The following ITGAD variants were observed in gnomAD, a reference collection of about 807,000 sequenced individuals.
ITGAD encodes the protein integrin alpha-D.
Under a neutral mutation model 139.0 loss-of-function variants are expected in ITGAD, and 105 were observed. That is an observed-to-expected ratio of 0.76 (90% CI 0.65 to 0.89). The LOEUF (loss-of-function observed/expected upper bound fraction) is 0.89, where lower values mean the gene tolerates loss of function less well. Ranked by LOEUF, ITGAD falls within the 40% of genes least tolerant of loss-of-function variation. ITGAD has a pLI of 0.00. For missense variants in ITGAD, 1,384 were observed against 1,487.3 expected (o/e 0.93, Z 1.14); for synonymous variants, 569 against 598.3 (o/e 0.95, Z 0.71).
chr16:31,415,218 G>A (rs1315965274), intron 18 of ITGAD, among the ~76,000 whole-genome samples: 1 of 151,682 alleles, frequency 6.6e-6, no homozygotes, highest in African/African-American at 2.4e-5. Flanking sequence ...CCAGCCCCTC[G>A]ATTCTCTCCC....
At chr16:31,393,464 G>A (rs568697272) in intron 1 of ITGAD, 73 bp downstream of exon 1, 29 of 1,550,304 alleles carry the variant, frequency 1.9e-5, no homozygotes, top group Admixed American at 5.0e-5. Flanking sequence ...GGGCAGGCTG[G>A]GGGCTGGTGG....
chr16:31,398,441 A>C (rs1022049842), intron 5 of ITGAD, among the ~76,000 whole-genome samples: 25 of 151,672 alleles, frequency 1.6e-4, no homozygotes, highest in African/African-American at 3.4e-4. Context: ...AAAAAAAAAA[A>C]AACAAAAAAC....
chr16:31,420,471 C>T (rs2081986836), intron 23 of ITGAD, among the ~76,000 whole-genome samples: 1 of 152,100 alleles, frequency 6.6e-6, no homozygotes. Context: ...AATCTGGGCT[C>T]ACTGCAACCT....
At position 31,424,227 on chromosome 16, in the gene ITGAD, G is replaced by A. The variant is rs762607453; in HGVS notation, c.3261+24G>A. The A allele has an allele frequency of 6.2e-6, 10 of 1,613,386 alleles. No individual in the cohort carries two copies. The Admixed American group carries it at 1.2e-4, about 19-fold the overall frequency. ...AGGTAGAGACCATGTGGAGGGCAGCGACCAGCTGGAAAGAGGACCCCTAGG... is the reference window on the plus strand; with the variant it reads ...AGGTAGAGACCATGTGGAGGGCAGCAACCAGCTGGAAAGAGGACCCCTAGG... On this transcript the variant is annotated intron_variant, in intron 28 of 29. Coordinates refer to ENST00000389202, the MANE Select transcript of ITGAD (RefSeq NM_005353.3).
In ITGAD at chr16:31,403,557, C is replaced by T. The variant is rs145982469; in HGVS notation, c.616C>T (p.Arg206Trp). 1.3e-4 allele frequency: 213 copies of T among 1,614,174 alleles called. No homozygotes were observed. The African/African-American group carries it at 2.5e-3, about 19-fold the overall frequency. ...GATCCACTTCACCTTCACCCAATTC[C>T]GGACCAGCCCGAGCCAGCAGAGCCT... ...LKIHFTFTQF[R>W]TSPSQQSLVD... Residue 206 changes from arginine (R) to tryptophan (W), a missense_variant, in exon 7 of 30, where the codon CGG (arginine) becomes TGG (tryptophan). Transcript: ENST00000389202. The surrounding 1 kb of genome is among the most constrained non-coding windows in gnomAD (Gnocchi z 4.4).
rs1387717577 is a variant in ITGAD at position 31,397,234 on chromosome 16, C to A, written c.138-125C>A. The A allele has an allele frequency of 7.5e-6, 5 of 665,658 alleles. No homozygotes were observed. In the Admixed American group the frequency reaches 7.6e-5, roughly 10 times the overall value. The allele number at this position is 665,658 out of a possible 1,614,324, so 41.2% of individuals were successfully genotyped here. The stretch of plus-strand genomic sequence containing the variant: ...GATTTCTGAATATTCTGCCAAGTGG[C>A]AAATGCCAGGAATTTCCCCCACAGA... On this transcript the variant is annotated intron_variant, in intron 2 of 29. Coordinates refer to ENST00000389202, the MANE Select transcript of ITGAD (RefSeq NM_005353.3).
intron 9 of ITGAD, 33 bp from the exon 10 acceptor site, chr16:31,408,392 T>C (rs1167600533): frequency 2.5e-6 from 4 of 1,596,140 alleles, no homozygotes; most frequent in Non-Finnish European, 3.4e-6. Context: ...GTCTCATGGC[T>C]TCTAGGAACT....
At chr16:31,424,990 C>A (rs911730567) in intron 29 of ITGAD, among the ~76,000 whole-genome samples, 31 of 152,270 alleles carry the variant, frequency 2.0e-4, no homozygotes, top group Non-Finnish European at 4.6e-4. Context: ...GGCAGACAGG[C>A]CTGGACACAC....
chr16:31,423,470 A>G lies in ITGAD; in HGVS notation c.2967+11A>G. The G allele has an allele frequency of 6.2e-7, 1 of 1,610,990 alleles. No homozygotes were observed. The highest frequency in any genetic ancestry group is 8.5e-7 in the Non-Finnish European group (1 of 1,177,226). On this transcript the variant is annotated intron_variant, in intron 25 of 29. Coordinates refer to ENST00000389202, the MANE Select transcript of ITGAD (RefSeq NM_005353.3). ...GAGGCCCCATCTCAGGTACCCGCCT[A>G]TCTCTCCTCTTTCTTCAGACTGACA...
chr16:31,425,986 C>A, intron 29 of ITGAD, 29 bp from the exon 30 acceptor site: 1 of 1,531,592 alleles, frequency 6.5e-7, no homozygotes, highest in African/African-American at 1.4e-5. Flanking sequence ...CGGACTTACC[C>A]AGCTTTTCTA....
At chr16:31,423,681 T>A (rs750042824) in intron 26 of ITGAD, 33 bp downstream of exon 26, 1 of 1,593,516 alleles carries the variant, frequency 6.3e-7, no homozygotes. Context: ...ACCGCCAAGA[T>A]CAGCCCCCAC....
In ITGAD at chr16:31,403,656, C is replaced by A; in HGVS notation, c.704+11C>A. On this transcript the variant is annotated intron_variant, in intron 7 of 29. Transcript: ENST00000389202. The surrounding 1 kb of genome is among the most constrained non-coding windows in gnomAD (Gnocchi z 4.4). Reference sequence around the variant, plus strand: ...CATCCTGACAGTGGTGTAAGCAACCCCGACCCCAGCCTGGCGATGTGACTG... The same window carrying A: ...CATCCTGACAGTGGTGTAAGCAACCACGACCCCAGCCTGGCGATGTGACTG... 8 of 1,614,016 alleles carry A rather than the reference C, an allele frequency of 5.0e-6. No individual in the cohort carries two copies. Among genetic ancestry groups the A allele is most frequent in the Non-Finnish European group, 6.8e-6 (8 of 1,179,952 alleles).
intron 2 of ITGAD, among the ~76,000 whole-genome samples, chr16:31,394,676 ATTATTT>A (rs1416225788): frequency 2.0e-5 from 3 of 151,934 alleles, no homozygotes; most frequent in Non-Finnish European, 2.9e-5. Context: ...GAAATTCCTG[ATTATTT>A]TTATTTTTAT....
chr16:31,411,617 G>A, intron 14 of ITGAD, 100 bp downstream of exon 14: 1 of 1,181,126 alleles, frequency 8.5e-7, no homozygotes, highest in Non-Finnish European at 1.2e-6. Context: ...CTTCCTTGTT[G>A]CAGTGGTTTG....
In ITGAD at chr16:31,407,543, G is replaced by A. The variant is rs142983874; in HGVS notation, c.733G>A (p.Ala245Thr). ...ACAGCTATTTCATCATAAGAATGGG[G>A]CCCGAAAAAGTGCCAAGAAGATCCT... ...VTQLFHHKNG[A>T]RKSAKKILIV... The change falls in exon 8 of 30, where the codon GCC (alanine) becomes ACC (threonine). Residue 245 changes from alanine to threonine, a missense_variant. Coordinates refer to ENST00000389202, the MANE Select transcript of ITGAD (RefSeq NM_005353.3). The A allele has an allele frequency of 6.2e-7, 1 of 1,603,320 alleles. No homozygotes were observed. The highest frequency in any genetic ancestry group is 8.5e-7 in the Non-Finnish European group (1 of 1,173,836).
intron 23 of ITGAD, among the ~76,000 whole-genome samples, chr16:31,422,047 C>G (rs1182567031): frequency 1.3e-5 from 2 of 152,002 alleles, no homozygotes; most frequent in Admixed American, 6.6e-5. Context: ...CCTCCTGCCT[C>G]AGCCTCCTGA....
chr16:31,407,627 C>G lies in ITGAD; in HGVS notation c.817C>G (p.Pro273Ala), dbSNP rs914059377. Reference sequence around the variant, plus strand: ...CCCCCTGGAATACAGTGATGTCATCCCCCAGGCAGAGAAGGCTGGCATCAT... The same window carrying G: ...CCCCCTGGAATACAGTGATGTCATCGCCCAGGCAGAGAAGGCTGGCATCAT... ...KDPLEYSDVI[P>A]QAEKAGIIRY... The change falls in exon 8 of 30, where the codon CCC (proline) becomes GCC (alanine). Residue 273 changes from proline (P) to alanine (A), a missense_variant. By Grantham distance (27) the Pro-to-Ala change is conservative. Transcript: ENST00000389202. 6.2e-6 allele frequency: 10 copies of G among 1,614,002 alleles called. No individual in the cohort carries two copies. Among genetic ancestry groups the G allele is most frequent in the Non-Finnish European group, 7.6e-6 (9 of 1,180,018 alleles).
At chr16:31,409,911 CAAAAAAAAA>C (rs11447533) in intron 10 of ITGAD, among the ~76,000 whole-genome samples, 2 of 89,790 alleles carry the variant, frequency 2.2e-5, no homozygotes, top group African/African-American at 8.9e-5. Context: ...CAGCCTGTCT[CAAAAAAAAA>C]AAAAAAAAAA....
chr16:31,416,181 AG>A, intron 18 of ITGAD, 31 bp from the exon 19 acceptor site: 2 of 1,549,776 alleles, frequency 1.3e-6, no homozygotes, highest in Non-Finnish European at 1.8e-6. Context: ...CTAAGATGTC[AG>A]ATGGGAACAG....
Sources: allele counts gnomAD v4.1 joint callset (sites outside exome capture counted in the v4.1 genomes callset), GRCh38; gene constraint gnomAD v4.1.1; non-coding constraint Gnocchi (gnomAD v3.1); transcripts MANE v1.5; gene names NCBI Gene and HGNC (gene_info 2026-07-23, HGNC 2026-07-21).